TTC28: variants seen among roughly 807,000 people sequenced by gnomAD.
The protein encoded by TTC28 is tetratricopeptide repeat protein 28.
Under a neutral mutation model 198.0 loss-of-function variants are expected in TTC28, and 61 were observed. The observed-to-expected ratio is 0.31, with a 90% CI of 0.25 to 0.38. The LOEUF (loss-of-function observed/expected upper bound fraction) is 0.38, where lower values mean the gene tolerates loss of function less well. Ranked by LOEUF, TTC28 falls within the 10% of genes least tolerant of loss-of-function variation. TTC28 has a pLI of 1.00. For missense variants in TTC28, 2,678 were observed against 3,164.0 expected (o/e 0.85, Z 3.69); for synonymous variants, 1,171 against 1,297.8 (o/e 0.90, Z 2.10).
intron 2 of TTC28, among the ~76,000 whole-genome samples, chr22:28,317,580 T>C (rs933755722): frequency 2.6e-5 from 4 of 152,130 alleles, no homozygotes; most frequent in African/African-American, 9.7e-5. Flanking sequence ...TCCTATACTT[T>C]TCACAGCCTT....
intron 2 of TTC28, among the ~76,000 whole-genome samples, chr22:28,537,324 A>AAAATAAAAT (rs1569009206): frequency 2.1e-5 from 3 of 145,064 alleles, no homozygotes; most frequent in East Asian, 2.2e-4. Context: ...AAAATAAAAT[A>AAAATAAAAT]AAATAAAATA....
At chr22:28,498,111 A>T (rs1228099055) in intron 2 of TTC28, among the ~76,000 whole-genome samples, 1 of 151,868 alleles carries the variant, frequency 6.6e-6, no homozygotes, top group Non-Finnish European at 1.5e-5. Context: ...GTTGTCAAGG[A>T]AATAGAACAT....
chr22:27,993,256 C>A, intron 18 of TTC28, 31 bp downstream of exon 18: 1 of 1,474,826 alleles, frequency 6.8e-7, no homozygotes, highest in Non-Finnish European at 9.0e-7. Context: ...TCAGCCAGGC[C>A]TGTTGCCCCA....
At chr22:28,587,887 A>G (rs1050367564) in intron 2 of TTC28, among the ~76,000 whole-genome samples, 5 of 152,114 alleles carry the variant, frequency 3.3e-5, no homozygotes, top group African/African-American at 1.2e-4. Flanking sequence ...CAAGCCTGTA[A>G]TCCTAGCACT....
chr22:28,611,501 TTTAA>T (rs1345166261), intron 2 of TTC28, among the ~76,000 whole-genome samples: 1 of 130,540 alleles, frequency 7.7e-6, no homozygotes, highest in African/African-American at 3.1e-5. Context: ...AAGCCTTTTT[TTTAA>T]TTTTTTTTTT....
chr22:28,306,724 C>A, intron 2 of TTC28, 81 bp from the exon 3 acceptor site: 1 of 1,427,704 alleles, frequency 7.0e-7, no homozygotes, highest in Non-Finnish European at 9.5e-7. Flanking sequence ...AACAACAGGT[C>A]AGCAGAACTA....
chr22:28,389,479 T>C (rs2046676677), intron 2 of TTC28, among the ~76,000 whole-genome samples: 1 of 149,388 alleles, frequency 6.7e-6, no homozygotes. Flanking sequence ...TCCTGGACTC[T>C]TTTTGGTTGG....
At chr22:28,079,699 T>C (rs933204663) in intron 12 of TTC28, among the ~76,000 whole-genome samples, 1 of 152,176 alleles carries the variant, frequency 6.6e-6, no homozygotes, top group Non-Finnish European at 1.5e-5. Flanking sequence ...TCAAAATTCA[T>C]CCATGGTGTA....
intron 5 of TTC28, among the ~76,000 whole-genome samples, chr22:28,225,619 T>C (rs950296645): frequency 2.0e-5 from 3 of 152,216 alleles, no homozygotes; most frequent in Non-Finnish European, 4.4e-5. Context: ...GCAATTTATT[T>C]ACTGAGGTAA....
At chr22:28,184,718 C>T (rs1924033701) in intron 5 of TTC28, among the ~76,000 whole-genome samples, 1 of 151,816 alleles carries the variant, frequency 6.6e-6, no homozygotes, top group Non-Finnish European at 1.5e-5. Context: ...TCAAATTATT[C>T]ATCATATTAA....
chr22:28,656,127 A>C (rs1346448176), intron 1 of TTC28, among the ~76,000 whole-genome samples: 1 of 152,248 alleles, frequency 6.6e-6, no homozygotes, highest in Non-Finnish European at 1.5e-5. Flanking sequence ...TGAGTTAACA[A>C]ACGCTCAGAG....
chr22:28,421,578 T>C lies in TTC28; in HGVS notation c.382-114935A>G, dbSNP rs560899113. 2.6e-5 allele frequency among the ~76,000 whole-genome samples: 4 copies of C among 152,264 alleles called. No individual in the cohort carries two copies. The South Asian group carries it at 8.3e-4, about 32-fold the overall frequency. On this transcript the variant is annotated intron_variant, in intron 2 of 22. Transcript: ENST00000397906. ...TATCTATTTAAAGATGAAGTTACCA[T>C]TTATAGAAGAATTGATGAAATTTTG...
chr22:28,096,054 G>C lies in TTC28; in HGVS notation c.3766+136C>G, dbSNP rs911090539. 4 of 1,312,100 alleles carry C rather than the reference G, an allele frequency of 3.0e-6. No homozygotes were observed. In the African/African-American group the frequency reaches 6.0e-5, roughly 20 times the overall value. The allele number at this position is 1,312,100 out of a possible 1,614,324, so 81.3% of individuals were successfully genotyped here. ...AATGCCCCACCACGGCATATCCACT[G>C]CGGCTGAGGTTTTGCTAAAATCTGA... On this transcript the variant is annotated intron_variant, in intron 11 of 22. Coordinates refer to ENST00000397906, the MANE Select transcript of TTC28 (RefSeq NM_001145418.2).
chr22:28,598,381 C>T (rs1480746434), intron 2 of TTC28, among the ~76,000 whole-genome samples: 3 of 151,584 alleles, frequency 2.0e-5, no homozygotes, highest in African/African-American at 7.3e-5. Context: ...TGGTGGTGGG[C>T]ACCTGTAGTC....
chr22:28,342,037 T>C (rs2045839889), intron 2 of TTC28, among the ~76,000 whole-genome samples: 1 of 152,150 alleles, frequency 6.6e-6, no homozygotes, highest in Non-Finnish European at 1.5e-5. Flanking sequence ...TAAATTTTGC[T>C]ATTTATTTGT....
rs74617621 is a variant in TTC28, at chr22:28,176,330, T to C, written c.934-12731A>G. 2.9e-3 allele frequency among the ~76,000 whole-genome samples: 444 copies of C among 152,164 alleles called. 4 individuals are homozygous for C. The highest frequency in any genetic ancestry group is 0.01 in the African/African-American group (430 of 41,510). ...CAGACAAAGAATGACAAATTATGCA[T>C]GATCTCATTCCTATGTGGAATCTGA... On this transcript the variant is annotated intron_variant, in intron 5 of 22. Coordinates refer to ENST00000397906, the MANE Select transcript of TTC28 (RefSeq NM_001145418.2).
chr22:28,671,246 G>A lies in TTC28; in HGVS notation c.102+8376C>T, dbSNP rs573428321. On this transcript the variant is annotated intron_variant, in intron 1 of 22. Coordinates refer to ENST00000397906, the MANE Select transcript of TTC28 (RefSeq NM_001145418.2). Reference sequence around the variant, plus strand: ...AGGCATGAACCACCTCAACCGGCCTGTTTATTTTTAAATTCGGTTGTCCTT... The same window carrying A: ...AGGCATGAACCACCTCAACCGGCCTATTTATTTTTAAATTCGGTTGTCCTT... Among the ~76,000 whole-genome samples, 97 of 152,110 alleles carry A rather than the reference G, an allele frequency of 6.4e-4. 1 individual carries two copies. The South Asian group carries it at 0.019, about 31-fold the overall frequency.
intron 12 of TTC28, among the ~76,000 whole-genome samples, chr22:28,069,925 AACACAC>A (rs60436240): frequency 0.12 from 16,684 of 142,050 alleles, 959 homozygotes; most frequent in South Asian, 0.21. Context: ...AGGTTGTACA[AACACAC>A]ACACACACAC....
Position 28,296,328 on chromosome 22 carries a change from C to A in TTC28, c.803G>T (p.Gly268Val). Reference protein sequence around the residue: ...QQDLDVAKTLGDQTGECRAHG... With the variant: ...QQDLDVAKTLVDQTGECRAHG... ...AGCTCGGCATTCTCCTGTCTGGTCACCTGGATTGAATTGAGAAAAAAAAAA... is the reference window on the plus strand; with the variant it reads ...AGCTCGGCATTCTCCTGTCTGGTCAACTGGATTGAATTGAGAAAAAAAAAA... Residue 268 changes from glycine (G) to valine (V), a missense_variant and splice_region_variant, in exon 5 of 23, where the codon GGT (glycine) becomes GTT (valine). Transcript: ENST00000397906. 1 of 1,515,086 alleles carries A rather than the reference C, an allele frequency of 6.6e-7. No individual in the cohort carries two copies. The highest frequency in any genetic ancestry group is 1.3e-5 in the South Asian group (1 of 76,614). 93.9% of individuals were successfully genotyped at this position (1,515,086 alleles called of 1,614,324 possible).
Sources: allele counts gnomAD v4.1 joint callset (sites outside exome capture counted in the v4.1 genomes callset), GRCh38; gene constraint gnomAD v4.1.1; transcripts MANE v1.5; gene names NCBI Gene and HGNC (gene_info 2026-07-23, HGNC 2026-07-21).